PPP2R3A: variants seen among roughly 807,000 people sequenced by gnomAD.
PPP2R3A encodes protein phosphatase 2 regulatory subunit B''alpha.
PPP2R3A carries 80 observed loss-of-function variants against 106.9 expected under a neutral mutation model. The observed-to-expected ratio is 0.75, with a 90% CI of 0.62 to 0.90. PPP2R3A has a LOEUF of 0.90. PPP2R3A is among the 40% of genes least tolerant of loss of function. The probability of loss-of-function intolerance (pLI) is 0.00; values close to 1 mark genes in which losing one functional copy is unlikely to be tolerated. For synonymous variants in PPP2R3A, 483 were observed against 468.3 expected (o/e 1.03, Z -0.41); for missense variants, 1,386 against 1,350.4 (o/e 1.03, Z -0.41).
At chr3:135,985,752 G>A (rs964500185) in intron 1 of PPP2R3A, among the ~76,000 whole-genome samples, 3 of 152,146 alleles carry the variant, frequency 2.0e-5, no homozygotes, top group African/African-American at 7.2e-5. Context: ...GACTGAGACA[G>A]GGTAGAGAAC....
chr3:136,145,010 A>G (rs933727479), intron 13 of PPP2R3A, 33 bp from the exon 14 acceptor site: 9 of 1,597,438 alleles, frequency 5.6e-6, no homozygotes, highest in Non-Finnish European at 6.8e-6. Context: ...TAATCAATCA[A>G]TCAGTTAATT....
rs1933737468 is a variant in PPP2R3A at position 136,003,607 on chromosome 3, C to T, written c.1995+114C>T. Reference sequence around the variant, plus strand: ...ATTTTTTGTTCTACTAAAGCTCTGCCCTACACTAGGAATGATCTCACTCAG... The same window carrying T: ...ATTTTTTGTTCTACTAAAGCTCTGCTCTACACTAGGAATGATCTCACTCAG... On this transcript the variant is annotated intron_variant, in intron 2 of 13. Coordinates refer to ENST00000264977, the MANE Select transcript of PPP2R3A (RefSeq NM_002718.5). 2.7e-5 allele frequency: 24 copies of T among 885,406 alleles called. No individual in the cohort carries two copies. The South Asian group carries it at 4.4e-4, about 16-fold the overall frequency. 54.8% of individuals were successfully genotyped at this position (885,406 alleles called of 1,614,324 possible).
Position 136,143,310 on chromosome 3 carries a change from G to A in PPP2R3A, c.3330-1733G>A, listed in dbSNP as rs571485709. 1.3e-4 allele frequency among the ~76,000 whole-genome samples: 20 copies of A among 152,248 alleles called. No homozygotes were observed. The South Asian group carries it at 3.9e-3, about 30-fold the overall frequency. Reference sequence around the variant, plus strand: ...TGAAGACCAGCCTGGCCAACATGGCGAAACCCTGTTGCTACTAAGAAAACA... The same window carrying A: ...TGAAGACCAGCCTGGCCAACATGGCAAAACCCTGTTGCTACTAAGAAAACA... On this transcript the variant is annotated intron_variant, in intron 13 of 13. Coordinates refer to ENST00000264977, the MANE Select transcript of PPP2R3A (RefSeq NM_002718.5).
At chr3:136,069,743 A>C (rs143977962) in intron 5 of PPP2R3A, among the ~76,000 whole-genome samples, 13 of 152,316 alleles carry the variant, frequency 8.5e-5, no homozygotes, top group African/African-American at 3.1e-4. Flanking sequence ...TTAATAGACT[A>C]TATCTGTAAT....
chr3:135,980,038 G>A lies in PPP2R3A; in HGVS notation c.-441+14189G>A, dbSNP rs534345814. On this transcript the variant is annotated intron_variant, in intron 1 of 13. Transcript: ENST00000264977. ...GGAAAATGAACATGCTTCTCTTTCT[G>A]TATTATGTCTACTCTGTTTTCTTAA... 1.4e-4 allele frequency among the ~76,000 whole-genome samples: 22 copies of A among 151,916 alleles called. No homozygotes were observed. In the South Asian group the frequency reaches 4.6e-3, roughly 31 times the overall value.
chr3:136,121,081 G>GTA (rs1937978893), intron 13 of PPP2R3A, among the ~76,000 whole-genome samples: 1 of 152,070 alleles, frequency 6.6e-6, no homozygotes, highest in Non-Finnish European at 1.5e-5. Context: ...CCACTGCTGG[G>GTA]TATATATACC....
intron 5 of PPP2R3A, chr3:136,055,863 T>A (rs113579504): frequency 2.2e-6 from 1 of 452,382 alleles, no homozygotes; most frequent in African/African-American, 2.0e-5. Flanking sequence ...GACACTGCAG[T>A]CTTAAAGAGG....
chr3:136,065,317 A>T (rs1022939254), intron 5 of PPP2R3A, among the ~76,000 whole-genome samples: 2 of 152,202 alleles, frequency 1.3e-5, no homozygotes, highest in South Asian at 4.1e-4. Flanking sequence ...TTATAGAGAT[A>T]ACCAGCAAAA....
intron 13 of PPP2R3A, among the ~76,000 whole-genome samples, chr3:136,113,732 T>C (rs1180628755): frequency 6.6e-6 from 1 of 151,572 alleles, no homozygotes; most frequent in Non-Finnish European, 1.5e-5. Flanking sequence ...GAAGTGAAGG[T>C]TGCAGTGAGT....
intron 13 of PPP2R3A, among the ~76,000 whole-genome samples, chr3:136,119,421 T>A (rs1937906238): frequency 6.6e-6 from 1 of 151,990 alleles, no homozygotes; most frequent in East Asian, 1.9e-4. Context: ...ACTATGAGAG[T>A]GAACAGGCAA....
At position 136,146,526 on chromosome 3, in the gene PPP2R3A, G is replaced by A. The variant is rs570262814; in HGVS notation, c.*1360G>A. ...AGGCAAAAAGAAAAGGAGAATTTAGGAAATAAATATGCTATAAACAAGGTA... is the reference window on the plus strand; with the variant it reads ...AGGCAAAAAGAAAAGGAGAATTTAGAAAATAAATATGCTATAAACAAGGTA... On this transcript the variant is annotated 3_prime_UTR_variant, in exon 14 of 14. Transcript: ENST00000264977. 1 of 152,188 alleles carries A rather than the reference G, an allele frequency of 6.6e-6. No homozygotes were observed. Among genetic ancestry groups the A allele is most frequent in the Non-Finnish European group, 1.5e-5 (1 of 68,018 alleles). 9.4% of individuals were successfully genotyped at this position (152,188 alleles called of 1,614,324 possible). A position where few individuals can be genotyped will look rare whatever the true frequency, so the allele number is the denominator to read the frequency against.
chr3:135,997,141 C>T (rs759496324), intron 1 of PPP2R3A, among the ~76,000 whole-genome samples: 3 of 152,138 alleles, frequency 2.0e-5, no homozygotes, highest in Non-Finnish European at 4.4e-5. Flanking sequence ...TTCTAGCTGC[C>T]GTTTTATAGC....
At chr3:136,067,042 A>G (rs1936282636) in intron 5 of PPP2R3A, among the ~76,000 whole-genome samples, 1 of 152,242 alleles carries the variant, frequency 6.6e-6, no homozygotes, top group African/African-American at 2.4e-5. Context: ...CAAGGCAAGG[A>G]TGCCCACTAT....
In PPP2R3A at chr3:136,104,298, TTGTG is replaced by T. The variant is rs55839641; in HGVS notation, c.3222+947_3222+950del. Among the ~76,000 whole-genome samples, 267 of 148,692 alleles carry T rather than the reference TTGTG, an allele frequency of 1.8e-3. 2 individuals are homozygous for T. Among genetic ancestry groups the T allele is most frequent in the East Asian group, 7.7e-3 (39 of 5,080 alleles). ...CATAATTTTATATTTGTTTCTTTCT[TTGTG>T]TGTGTGTGTGTGTGTGTGTGTGTGA... On this transcript the variant is annotated intron_variant, in intron 12 of 13. Coordinates refer to ENST00000264977, the MANE Select transcript of PPP2R3A (RefSeq NM_002718.5).
At chr3:136,079,227 A>G (rs1430707183) in intron 7 of PPP2R3A, 1 of 453,582 alleles carries the variant, frequency 2.2e-6, no homozygotes, top group Non-Finnish European at 4.4e-6. Context: ...AACAGTCATC[A>G]TCACAGTCAG....
chr3:136,114,466 C>T (rs1325304059), intron 13 of PPP2R3A, among the ~76,000 whole-genome samples: 1 of 152,166 alleles, frequency 6.6e-6, no homozygotes, highest in Non-Finnish European at 1.5e-5. Flanking sequence ...GGGGCTCAAC[C>T]CAGGGAGCCA....
intron 2 of PPP2R3A, among the ~76,000 whole-genome samples, chr3:136,013,826 A>G (rs1472254045): frequency 2.4e-5 from 3 of 125,168 alleles, no homozygotes; most frequent in African/African-American, 5.5e-5. Context: ...TTTGCTGTGC[A>G]GAAGCTTTTT....
intron 3 of PPP2R3A, among the ~76,000 whole-genome samples, chr3:136,031,451 G>A (rs1431767655): frequency 1.3e-5 from 2 of 151,902 alleles, no homozygotes; most frequent in African/African-American, 4.9e-5. Context: ...CCACTCTGTG[G>A]GTTGTCTGTT....
chr3:136,144,473 C>T (rs894289900), intron 13 of PPP2R3A, among the ~76,000 whole-genome samples: 3 of 152,054 alleles, frequency 2.0e-5, no homozygotes, highest in African/African-American at 7.2e-5. Context: ...CCAGCCTGGC[C>T]AACATGGTGA....
Sources: gnomAD v4.1 joint callset for allele counts (sites outside exome capture counted in the v4.1 genomes callset) on GRCh38, gnomAD v4.1.1 for gene constraint, MANE v1.5 for transcripts, NCBI Gene and HGNC (gene_info 2026-07-23, HGNC 2026-07-21) for gene names.